The following NUDCD1 variants were observed in gnomAD, a reference collection of about 807,000 sequenced individuals.
NUDCD1 encodes the protein NudC domain containing 1.
Under a neutral mutation model 67.8 loss-of-function variants are expected in NUDCD1, and 60 were observed. The ratio of observed to expected loss-of-function variants is 0.88; its 90% CI spans 0.72 to 1.10. The LOEUF (loss-of-function observed/expected upper bound fraction) is 1.10, where lower values mean the gene tolerates loss of function less well. Ranked by LOEUF, NUDCD1 falls within the 50% of genes least tolerant of loss-of-function variation. NUDCD1 has a pLI of 0.00. For missense variants in NUDCD1, 643 were observed against 695.0 expected (o/e 0.93, Z 0.84); for synonymous variants, 244 against 230.8 (o/e 1.06, Z -0.52).
At chr8:109,308,829 A>G (rs954159649) in intron 2 of NUDCD1, among the ~76,000 whole-genome samples, 7 of 151,808 alleles carry the variant, frequency 4.6e-5, no homozygotes, top group Admixed American at 2.0e-4. Flanking sequence ...AAAATTAGCC[A>G]GGCATGGTGG....
chr8:109,329,755 T>A, intron 1 of NUDCD1: 1 of 1,495,572 alleles, frequency 6.7e-7, no homozygotes, highest in African/African-American at 1.4e-5. Context: ...TTGTCAATTA[T>A]GTCTTCATAA....
At chr8:109,316,667 G>A (rs1273042463) in intron 2 of NUDCD1, among the ~76,000 whole-genome samples, 1 of 152,134 alleles carries the variant, frequency 6.6e-6, no homozygotes, top group Non-Finnish European at 1.5e-5. Context: ...ATTTGTTGCT[G>A]ATGAGAAAAA....
At chr8:109,306,625 T>C (rs942383098) in intron 2 of NUDCD1, among the ~76,000 whole-genome samples, 25 of 139,792 alleles carry the variant, frequency 1.8e-4, no homozygotes, top group Non-Finnish European at 3.3e-4. Flanking sequence ...CAAATAATTA[T>C]GTTGAACCCC....
intron 2 of NUDCD1, among the ~76,000 whole-genome samples, chr8:109,300,443 A>T (rs907886887): frequency 6.6e-6 from 1 of 152,220 alleles, no homozygotes; most frequent in African/African-American, 2.4e-5. Context: ...CACTTACAGA[A>T]ATCCAAAATG....
chr8:109,270,079 G>GCC (rs1400174724), intron 8 of NUDCD1, among the ~76,000 whole-genome samples: 1 of 58,576 alleles, frequency 1.7e-5, no homozygotes, highest in South Asian at 6.9e-4. Flanking sequence ...GGGGGGGGGG[G>GCC]GGGTGCCTTA....
At chr8:109,310,204 C>T (rs1316203912) in intron 2 of NUDCD1, among the ~76,000 whole-genome samples, 3 of 152,136 alleles carry the variant, frequency 2.0e-5, no homozygotes, top group Non-Finnish European at 4.4e-5. Flanking sequence ...CATCACATTT[C>T]CTGATTTCAA....
At chr8:109,288,379 C>T (rs1814623756) in intron 5 of NUDCD1, among the ~76,000 whole-genome samples, 1 of 152,198 alleles carries the variant, frequency 6.6e-6, no homozygotes, top group South Asian at 2.1e-4. Context: ...TCTAAAGACA[C>T]ATGATCTAGA....
intron 8 of NUDCD1, among the ~76,000 whole-genome samples, chr8:109,258,254 C>T (rs1427434327): frequency 6.6e-6 from 1 of 151,900 alleles, no homozygotes; most frequent in Non-Finnish European, 1.5e-5. Context: ...TCTAACAGAC[C>T]CAGTGCCATT....
intron 1 of NUDCD1, among the ~76,000 whole-genome samples, chr8:109,328,165 C>T (rs1815720639): frequency 6.6e-6 from 1 of 152,146 alleles, no homozygotes; most frequent in African/African-American, 2.4e-5. Context: ...TTAGCCCCAC[C>T]ACCAATCTAG....
At chr8:109,317,691 G>A (rs1167444342) in intron 2 of NUDCD1, among the ~76,000 whole-genome samples, 1 of 152,140 alleles carries the variant, frequency 6.6e-6, no homozygotes, top group African/African-American at 2.4e-5. Context: ...TGCTCTCAAA[G>A]AAGGAATATG....
rs1813388888 is a variant in NUDCD1 at position 109,242,476 on chromosome 8, C to T, written c.*533G>A. ...GCAACTGGCTAAAAGTTACATAAAG[C>T]TATACTTAATTTGAAAATAATAATA... On this transcript the variant is annotated 3_prime_UTR_variant, in exon 10 of 10. Transcript: ENST00000239690. 4.5e-6 allele frequency: 1 copy of T among 222,344 alleles called. No individual in the cohort carries two copies. Among genetic ancestry groups the T allele is most frequent in the Non-Finnish European group, 8.7e-6 (1 of 115,064 alleles). 13.8% of individuals were successfully genotyped at this position (222,344 alleles called of 1,614,324 possible).
At chr8:109,312,874 T>C (rs922429222) in intron 2 of NUDCD1, among the ~76,000 whole-genome samples, 2 of 152,330 alleles carry the variant, frequency 1.3e-5, no homozygotes, top group Non-Finnish European at 1.5e-5. Flanking sequence ...TTCACAGTAA[T>C]ATCTGAACAC....
intron 6 of NUDCD1, among the ~76,000 whole-genome samples, chr8:109,278,589 G>A (rs1814352355): frequency 6.6e-6 from 1 of 152,108 alleles, no homozygotes; most frequent in African/African-American, 2.4e-5. Flanking sequence ...GATAACAAGT[G>A]TTCTGATTTG....
intron 9 of NUDCD1, 69 bp from the exon 10 acceptor site, chr8:109,243,370 A>T: frequency 1.6e-6 from 2 of 1,224,826 alleles, no homozygotes; most frequent in Non-Finnish European, 2.3e-6. Context: ...TGATGATTTA[A>T]CATTTAATAT....
intron 8 of NUDCD1, among the ~76,000 whole-genome samples, chr8:109,266,392 ATTTTTTTTTTTTT>A (rs71305931): frequency 1.1e-5 from 1 of 87,508 alleles, no homozygotes; most frequent in African/African-American, 5.0e-5. Flanking sequence ...TGCCCGGCTA[ATTTTTTTTTTTTT>A]TTTTTTTTTT....
At position 109,301,288 on chromosome 8, in the gene NUDCD1, C is replaced by T. The variant is rs184621292; in HGVS notation, c.274-4719G>A. Among the ~76,000 whole-genome samples, 48 of 152,268 alleles carry T rather than the reference C, an allele frequency of 3.2e-4. No homozygotes were observed. The East Asian group carries it at 8.1e-3, about 26-fold the overall frequency. ...GAAGGTACTTTGTAATATTCTCCCCCCGCCCTTAAGAAGGTACTTTGTAAT... is the reference window on the plus strand; with the variant it reads ...GAAGGTACTTTGTAATATTCTCCCCTCGCCCTTAAGAAGGTACTTTGTAAT... On this transcript the variant is annotated intron_variant, in intron 2 of 9. Transcript: ENST00000239690.
At chr8:109,309,908 A>G (rs1815202721) in intron 2 of NUDCD1, among the ~76,000 whole-genome samples, 1 of 152,070 alleles carries the variant, frequency 6.6e-6, no homozygotes. Flanking sequence ...ACCACTTAGG[A>G]ATATACCTAA....
chr8:109,293,044 T>C (rs1326267891), intron 4 of NUDCD1, among the ~76,000 whole-genome samples: 1 of 152,006 alleles, frequency 6.6e-6, no homozygotes, highest in Non-Finnish European at 1.5e-5. Context: ...CACACATATA[T>C]ATGCATATAT....
intron 3 of NUDCD1, among the ~76,000 whole-genome samples, chr8:109,295,050 C>A (rs1814809353): frequency 6.6e-6 from 1 of 151,904 alleles, no homozygotes; most frequent in African/African-American, 2.4e-5. Flanking sequence ...TTCATTAGGG[C>A]AGTATATGCT....
Sources: gnomAD v4.1 joint callset for allele counts (sites outside exome capture counted in the v4.1 genomes callset) on GRCh38, gnomAD v4.1.1 for gene constraint, MANE v1.5 for transcripts, NCBI Gene and HGNC (gene_info 2026-07-23, HGNC 2026-07-21) for gene names.